SMIM23: variants seen among roughly 807,000 people sequenced by gnomAD.
SMIM23 encodes small integral membrane protein 23.
SMIM23 carries 10 observed loss-of-function variants against 12.8 expected under a neutral mutation model. That is an observed-to-expected ratio of 0.78 (90% CI 0.48 to 1.32). SMIM23 has a LOEUF of 1.32. SMIM23 is among the 40% of genes most tolerant of loss of function. The pLI, the probability that SMIM23 is intolerant of heterozygous loss-of-function variation, is 0.00. For synonymous variants in SMIM23, 78 were observed against 80.1 expected (o/e 0.97, Z 0.14); for missense variants, 184 against 198.2 (o/e 0.93, Z 0.43).
chr5:171,788,328 GCAGA>G (rs1755856267), intron 1 of SMIM23, among the ~76,000 whole-genome samples: 1 of 151,892 alleles, frequency 6.6e-6, no homozygotes, highest in Non-Finnish European at 1.5e-5. Context: ...GAAATGTAAA[GCAGA>G]CAAACAATAA....
At chr5:171,790,738 G>C in intron 3 of SMIM23, 57 bp from the exon 4 acceptor site, 1 of 1,523,290 alleles carries the variant, frequency 6.6e-7, no homozygotes, top group Non-Finnish European at 8.8e-7. Flanking sequence ...AGTGGGGATG[G>C]GGAGGAGGGT....
At chr5:171,785,401 G>GGTT (rs1561590329), upstream of SMIM23, among the ~76,000 whole-genome samples, 2 of 136,524 alleles carry the variant, frequency 1.5e-5, no homozygotes, top group African/African-American at 2.7e-5. Context: ...AGCTTTTATT[G>GGTT]TTTTTTTTTT....
At chr5:171,776,645 G>A in the SMIM23 span, among the ~76,000 whole-genome samples, 1 of 152,150 alleles carries the variant, frequency 6.6e-6, no homozygotes, top group South Asian at 2.1e-4. Flanking sequence ...CATGTACAGA[G>A]CATGCTTACT....
chr5:171,777,166 A>T, the SMIM23 span, among the ~76,000 whole-genome samples: 2 of 152,250 alleles, frequency 1.3e-5, no homozygotes, highest in Non-Finnish European at 2.9e-5. Context: ...GTGAGTAATA[A>T]GAGTTGTGTC....
At chr5:171,772,813 T>C in the SMIM23 span, among the ~76,000 whole-genome samples, 10 of 152,220 alleles carry the variant, frequency 6.6e-5, no homozygotes, top group Non-Finnish European at 1.2e-4. Context: ...TTTAAAAATC[T>C]GAACTGTGGG....
At chr5:171,776,244 G>A in the SMIM23 span, among the ~76,000 whole-genome samples, 20,759 of 148,508 alleles carry the variant, frequency 0.14, 1,667 homozygotes, top group Non-Finnish European at 0.18. Flanking sequence ...TGCAGCCCAC[G>A]GTCTCACAGT....
chr5:171,778,637 T>C (rs945401326), upstream of SMIM23, among the ~76,000 whole-genome samples: 1 of 152,198 alleles, frequency 6.6e-6, no homozygotes, highest in Non-Finnish European at 1.5e-5. Context: ...CACAGCCAGA[T>C]GCATGCTTTG....
chr5:171,778,016 C>T (rs1755668293), upstream of SMIM23, among the ~76,000 whole-genome samples: 1 of 152,204 alleles, frequency 6.6e-6, no homozygotes, highest in South Asian at 2.1e-4. Context: ...AATATTACCT[C>T]ATATTGCAAA....
chr5:171,773,993 C>A, the SMIM23 span: 181,286 of 376,888 alleles, frequency 0.48, 47,790 homozygotes, highest in African/African-American at 0.84. Context: ...TTGTGCATTT[C>A]TTGTGTGTGC....
chr5:171,784,876 A>C (rs1282863674), upstream of SMIM23, among the ~76,000 whole-genome samples: 1 of 152,232 alleles, frequency 6.6e-6, no homozygotes, highest in African/African-American at 2.4e-5. Context: ...TGATACATGC[A>C]ACAAATTGGA....
intron 1 of SMIM23, among the ~76,000 whole-genome samples, chr5:171,787,816 C>G (rs930209037): frequency 2.0e-5 from 3 of 152,176 alleles, no homozygotes; most frequent in Non-Finnish European, 4.4e-5. Flanking sequence ...GTCATCATAG[C>G]TGAGTTTTCT....
At chr5:171,775,179 G>A in the SMIM23 span, among the ~76,000 whole-genome samples, 3 of 152,090 alleles carry the variant, frequency 2.0e-5, no homozygotes, top group Non-Finnish European at 2.9e-5. Flanking sequence ...CCATGTGCCC[G>A]CCGCCCCTCT....
At chr5:171,779,970 ATAT>A (rs1227565013), upstream of SMIM23, among the ~76,000 whole-genome samples, 1 of 152,034 alleles carries the variant, frequency 6.6e-6, no homozygotes, top group Non-Finnish European at 1.5e-5. Flanking sequence ...CGTAAGACAC[ATAT>A]TATTATTATT....
At chr5:171,774,521 T>A in the SMIM23 span, 1 of 456,048 alleles carries the variant, frequency 2.2e-6, no homozygotes, top group African/African-American at 2.0e-5. Context: ...ATTTCAGCAG[T>A]CCCACGCCCC....
intron 1 of SMIM23, 54 bp from the exon 2 acceptor site, chr5:171,790,176 C>A: frequency 6.6e-7 from 1 of 1,507,940 alleles, no homozygotes; most frequent in Non-Finnish European, 8.9e-7. Flanking sequence ...GCAGGGGGAC[C>A]TGGAGAGAAT....
intron 1 of SMIM23, 46 bp downstream of exon 1, chr5:171,786,022 C>T (rs1480688399): frequency 1.4e-6 from 2 of 1,433,238 alleles, no homozygotes; most frequent in Admixed American, 3.9e-5. Flanking sequence ...ATCTGGGCTC[C>T]TTTTGCCACT....
intron 1 of SMIM23, among the ~76,000 whole-genome samples, chr5:171,789,949 A>G (rs1755891829): frequency 1.3e-5 from 2 of 152,262 alleles, no homozygotes; most frequent in Admixed American, 1.3e-4. Context: ...TGTAAATTAT[A>G]CCACAATGAA....
At chr5:171,788,111 C>G (rs1755851222) in intron 1 of SMIM23, among the ~76,000 whole-genome samples, 1 of 150,626 alleles carries the variant, frequency 6.6e-6, no homozygotes, top group Non-Finnish European at 1.5e-5. Flanking sequence ...CTAGATCTGA[C>G]TCAGCCAACA....
chr5:171,786,930 G>A (rs999120899), intron 1 of SMIM23, among the ~76,000 whole-genome samples: 1 of 149,880 alleles, frequency 6.7e-6, no homozygotes, highest in African/African-American at 2.5e-5. Flanking sequence ...GAGAAGTCCT[G>A]CAACAAAGAA....
Sources: gnomAD v4.1 joint callset for allele counts (sites outside exome capture counted in the v4.1 genomes callset) on GRCh38, gnomAD v4.1.1 for gene constraint, MANE v1.5 for transcripts, NCBI Gene and HGNC (gene_info 2026-07-23, HGNC 2026-07-21) for gene names.